The following PTPRD variants were observed in gnomAD, a reference collection of about 807,000 sequenced individuals.
PTPRD encodes receptor-type tyrosine-protein phosphatase delta.
Under a neutral mutation model 214.5 loss-of-function variants are expected in PTPRD, and 34 were observed. That is an observed-to-expected ratio of 0.16 (90% CI 0.12 to 0.21). The LOEUF (loss-of-function observed/expected upper bound fraction) is 0.21. Among genes scored for constraint, PTPRD ranks in the 10% least tolerant of loss-of-function variants. The pLI is 1.00. For missense variants in PTPRD, 2,545 were observed against 2,398.7 expected (o/e 1.06, Z -1.27); for synonymous variants, 1,128 against 845.7 (o/e 1.33, Z -5.79).
chr9:10,321,140 A>G (rs2096545221), intron 3 of PTPRD, among the ~76,000 whole-genome samples: 1 of 152,078 alleles, frequency 6.6e-6, no homozygotes, highest in Non-Finnish European at 1.5e-5. Flanking sequence ...CTTTACATTA[A>G]TAATGATTTC....
intron 3 of PTPRD, among the ~76,000 whole-genome samples, chr9:10,130,493 T>A (rs1301089308): frequency 6.6e-6 from 1 of 152,122 alleles, no homozygotes; most frequent in Non-Finnish European, 1.5e-5. Context: ...CTGTGGGTTT[T>A]TTGAGGTCAA....
chr9:8,713,796 G>T, intron 12 of PTPRD: 1 of 1,534,998 alleles, frequency 6.5e-7, no homozygotes, highest in Non-Finnish European at 8.8e-7. Flanking sequence ...TGCGCCTTCA[G>T]CACAAGCCAC....
At chr9:9,998,119 A>AC (rs1566997370) in intron 4 of PTPRD, among the ~76,000 whole-genome samples, 1 of 55,866 alleles carries the variant, frequency 1.8e-5, no homozygotes, top group Non-Finnish European at 3.8e-5. Flanking sequence ...GTATAATAAA[A>AC]AAAAAAAAAA....
chr9:8,628,417 G>C (rs2096123319), intron 14 of PTPRD, among the ~76,000 whole-genome samples: 1 of 151,706 alleles, frequency 6.6e-6, no homozygotes, highest in Non-Finnish European at 1.5e-5. Context: ...TCCCATTGCA[G>C]TGCCTTCTCT....
At chr9:10,321,502 T>C (rs141447228) in intron 3 of PTPRD, among the ~76,000 whole-genome samples, 3 of 152,082 alleles carry the variant, frequency 2.0e-5, no homozygotes, top group East Asian at 3.9e-4. Context: ...CAAGATTAGG[T>C]TGGAAAAATA....
chr9:9,542,185 C>T (rs1019103140), intron 8 of PTPRD, among the ~76,000 whole-genome samples: 4 of 151,620 alleles, frequency 2.6e-5, no homozygotes, highest in Non-Finnish European at 5.9e-5. Context: ...GAAAGATTAT[C>T]GCAACAAACC....
intron 11 of PTPRD, among the ~76,000 whole-genome samples, chr9:8,755,237 A>C (rs2093895949): frequency 6.6e-6 from 1 of 151,940 alleles, no homozygotes; most frequent in African/African-American, 2.4e-5. Flanking sequence ...AAAAAACAAA[A>C]AAAACAAACA....
chr9:9,525,148 C>T (rs1018522138), intron 8 of PTPRD, among the ~76,000 whole-genome samples: 1 of 152,204 alleles, frequency 6.6e-6, no homozygotes, highest in Admixed American at 6.5e-5. Flanking sequence ...TGAGCCACCG[C>T]CCGGTCGGGT....
At chr9:9,061,782 C>T (rs1488633659) in intron 10 of PTPRD, among the ~76,000 whole-genome samples, 1 of 152,116 alleles carries the variant, frequency 6.6e-6, no homozygotes, top group African/African-American at 2.4e-5. Flanking sequence ...AGCAGGTTTG[C>T]CTCTGTGTAC....
chr9:9,836,232 G>A (rs2056718481), intron 5 of PTPRD, among the ~76,000 whole-genome samples: 1 of 152,156 alleles, frequency 6.6e-6, no homozygotes, highest in African/African-American at 2.4e-5. Context: ...CAGAATGTGA[G>A]CATATGAGTG....
intron 21 of PTPRD, among the ~76,000 whole-genome samples, chr9:8,515,130 A>G (rs981593779): frequency 6.6e-6 from 1 of 152,190 alleles, no homozygotes; most frequent in Non-Finnish European, 1.5e-5. Flanking sequence ...CTAACACAGC[A>G]GTTAAAAGTA....
chr9:9,829,614 G>A (rs571704671), intron 5 of PTPRD, among the ~76,000 whole-genome samples: 1 of 151,894 alleles, frequency 6.6e-6, no homozygotes, highest in South Asian at 2.1e-4. Flanking sequence ...AAATCAATGT[G>A]ACATGTTTTT....
At chr9:8,690,059 G>C (rs529784983) in intron 12 of PTPRD, among the ~76,000 whole-genome samples, 123 of 147,060 alleles carry the variant, frequency 8.4e-4, no homozygotes, top group Admixed American at 1.7e-3. Context: ...AGTAAGCCAA[G>C]ATTGTACCAC....
intron 10 of PTPRD, among the ~76,000 whole-genome samples, chr9:9,076,743 T>C (rs1444103839): frequency 6.6e-6 from 1 of 152,040 alleles, no homozygotes; most frequent in East Asian, 1.9e-4. Flanking sequence ...TTGTGAATAG[T>C]GTTGCAATAA....
chr9:9,417,475 T>C (rs1460733860), intron 8 of PTPRD, among the ~76,000 whole-genome samples: 2 of 152,140 alleles, frequency 1.3e-5, no homozygotes, highest in African/African-American at 4.8e-5. Context: ...CTGCATGTTC[T>C]CCTTGCTAAG....
intron 2 of PTPRD, among the ~76,000 whole-genome samples, chr9:10,448,113 T>G (rs1403510049): frequency 6.6e-6 from 1 of 152,064 alleles, no homozygotes; most frequent in Non-Finnish European, 1.5e-5. Flanking sequence ...TACGCAATTG[T>G]AACTGAGGCT....
chr9:9,446,742 A>T (rs952564483), intron 8 of PTPRD, among the ~76,000 whole-genome samples: 6 of 152,164 alleles, frequency 3.9e-5, no homozygotes, highest in African/African-American at 1.4e-4. Flanking sequence ...ACATAATAGA[A>T]GTGAATGTTC....
intron 3 of PTPRD, among the ~76,000 whole-genome samples, chr9:10,050,679 G>A (rs1176316069): frequency 6.9e-6 from 1 of 144,722 alleles, no homozygotes; most frequent in Non-Finnish European, 1.5e-5. Context: ...ATGTAAAATT[G>A]TATTTTCAGT....
At chr9:9,922,676 A>G (rs979219969) in intron 5 of PTPRD, among the ~76,000 whole-genome samples, 1 of 152,104 alleles carries the variant, frequency 6.6e-6, no homozygotes, top group Admixed American at 6.6e-5. Context: ...AAATAACAAA[A>G]AAGTTATTGG....
Sources: allele counts gnomAD v4.1 joint callset (sites outside exome capture counted in the v4.1 genomes callset), GRCh38; gene constraint gnomAD v4.1.1; transcripts MANE v1.5; gene names NCBI Gene and HGNC (gene_info 2026-07-23, HGNC 2026-07-21).